Variants in THRB observed in about 807,000 individuals in gnomAD.
The protein encoded by THRB is nuclear receptor subfamily 1 group A member 2.
THRB carries 12 observed loss-of-function variants against 47.8 expected under a neutral mutation model. The ratio of observed to expected loss-of-function variants is 0.25; its 90% CI spans 0.16 to 0.41. THRB has a LOEUF of 0.41. THRB is among the 10% of genes least tolerant of loss of function. The probability of loss-of-function intolerance (pLI) is 1.00; values close to 1 mark genes in which losing one functional copy is unlikely to be tolerated. For missense variants in THRB, 348 were observed against 589.2 expected (o/e 0.59, Z 4.24); for synonymous variants, 218 against 212.2 (o/e 1.03, Z -0.24).
intron 1 of THRB, among the ~76,000 whole-genome samples, chr3:24,456,761 C>T (rs375812047): frequency 2.6e-5 from 4 of 151,762 alleles, no homozygotes; most frequent in Non-Finnish European, 4.4e-5. Flanking sequence ...TATACAATAT[C>T]TTATACACTG....
At chr3:24,377,088 C>T (rs550655506) in intron 1 of THRB, among the ~76,000 whole-genome samples, 1 of 152,200 alleles carries the variant, frequency 6.6e-6, no homozygotes, top group Non-Finnish European at 1.5e-5. Context: ...TAGGTGTACA[C>T]CACCACACTT....
chr3:24,278,392 A>C (rs560246929), intron 3 of THRB, among the ~76,000 whole-genome samples: 31 of 152,312 alleles, frequency 2.0e-4, no homozygotes, highest in Middle Eastern at 6.8e-3. Context: ...AAAATCAGGC[A>C]GATTTTATTC....
chr3:24,191,732 G>C (rs2043371068), intron 4 of THRB, among the ~76,000 whole-genome samples: 2 of 152,168 alleles, frequency 1.3e-5, no homozygotes, highest in South Asian at 4.1e-4. Flanking sequence ...TTACCCTTCC[G>C]GGTTTTCATA....
chr3:24,161,439 G>T lies in THRB; in HGVS notation c.284-8949C>A, dbSNP rs182744785. 8.4e-3 allele frequency among the ~76,000 whole-genome samples: 1,281 copies of T among 152,086 alleles called. 7 individuals are homozygous for T. The highest frequency in any genetic ancestry group is 0.01 in the Non-Finnish European group (711 of 67,998). On this transcript the variant is annotated intron_variant, in intron 5 of 10. Coordinates refer to ENST00000646209, the MANE Select transcript of THRB (RefSeq NM_001354712.2). ...GGGAAGAATAAGGATGGGAGAGAGA[G>T]GGAGAGAAAGAGAAGATAGAGGAAG... is the stretch of plus-strand genomic sequence containing the variant.
chr3:24,259,645 A>G (rs908469885), intron 3 of THRB, among the ~76,000 whole-genome samples: 15 of 58,486 alleles, frequency 2.6e-4, no homozygotes, highest in African/African-American at 8.0e-4. Flanking sequence ...TTTTTTTTTA[A>G]GGAAAAAAGC....
At chr3:24,381,077 T>C (rs1052441953) in intron 1 of THRB, among the ~76,000 whole-genome samples, 4 of 145,984 alleles carry the variant, frequency 2.7e-5, no homozygotes, top group Admixed American at 7.0e-5. Context: ...ATCACGTCAC[T>C]GCATTCCAGC....
rs776756808 is a variant in THRB, at chr3:24,146,745, G to C, written c.462C>G (p.Asp154Glu). 6.2e-7 allele frequency: 1 copy of C among 1,614,020 alleles called. No homozygotes were observed. The highest frequency in any genetic ancestry group is 2.2e-5 in the East Asian group (1 of 44,882). ...CCTGGCACTGATTTCGCGTGACTTTGTCTATGACACATTTTCCTTCATATT... is the reference window on the plus strand; with the variant it reads ...CCTGGCACTGATTTCGCGTGACTTTCTCTATGACACATTTTCCTTCATATT... ...SCKYEGKCVI[D>E]KVTRNQCQEC... Residue 154 changes from aspartate (D) to glutamate (E), a missense_variant, in exon 7 of 11, where the codon GAC becomes GAG. By Grantham distance (45) the Asp-to-Glu change is conservative (BLOSUM62 2). This residue lies in a region of THRB where 112 missense variants were observed against 212.3 expected (regional missense o/e 0.53). Coordinates refer to ENST00000646209, the MANE Select transcript of THRB (RefSeq NM_001354712.2).
At chr3:24,195,923 C>T (rs4858586) in intron 4 of THRB, among the ~76,000 whole-genome samples, 9,076 of 152,290 alleles carry the variant, frequency 0.06, 861 homozygotes, top group African/African-American at 0.21. Context: ...CTTCATCATA[C>T]TTGTCACCAA....
intron 1 of THRB, among the ~76,000 whole-genome samples, chr3:24,413,753 T>C (rs2068517087): frequency 6.6e-6 from 1 of 151,718 alleles, no homozygotes; most frequent in Non-Finnish European, 1.5e-5. Context: ...TGTGTGATGT[T>C]CCCCACCCTG....
intron 2 of THRB, among the ~76,000 whole-genome samples, chr3:24,303,042 A>G (rs2057066063): frequency 6.6e-6 from 1 of 152,178 alleles, no homozygotes; most frequent in Admixed American, 6.5e-5. Context: ...ATCATCAACA[A>G]AAAAGGTAAT....
chr3:24,163,804 G>A (rs900120696), intron 5 of THRB, among the ~76,000 whole-genome samples: 26 of 152,028 alleles, frequency 1.7e-4, no homozygotes, highest in Admixed American at 1.4e-3. Flanking sequence ...AATATTTCAT[G>A]ATTGGAAGTT....
intron 9 of THRB, among the ~76,000 whole-genome samples, chr3:24,130,337 G>A (rs1025584529): frequency 6.6e-5 from 10 of 152,152 alleles, no homozygotes; most frequent in Non-Finnish European, 8.8e-5. Context: ...ATGAAAGTGC[G>A]CAGTGTGTTT....
chr3:24,324,136 G>C (rs937808805), intron 2 of THRB, among the ~76,000 whole-genome samples: 2 of 152,088 alleles, frequency 1.3e-5, no homozygotes, highest in Non-Finnish European at 2.9e-5. Flanking sequence ...TCACAGGTAG[G>C]TCATTTCTAC....
intron 1 of THRB, among the ~76,000 whole-genome samples, chr3:24,487,658 C>T (rs879540068): frequency 2.6e-5 from 4 of 152,172 alleles, no homozygotes; most frequent in Non-Finnish European, 5.9e-5. Context: ...TAGCATTTCT[C>T]ACTGTGATTT....
chr3:24,410,858 T>C (rs939777336), intron 1 of THRB, among the ~76,000 whole-genome samples: 5 of 151,868 alleles, frequency 3.3e-5, no homozygotes, highest in Admixed American at 6.6e-5. Context: ...ATGATCTATG[T>C]TGGCTATAAA....
At chr3:24,292,753 T>A (rs2056058801) in intron 3 of THRB, among the ~76,000 whole-genome samples, 1 of 152,136 alleles carries the variant, frequency 6.6e-6, no homozygotes. Context: ...GTTAAGAAAA[T>A]CAATAACAAT....
chr3:24,329,339 C>T (rs1165853129), intron 2 of THRB, among the ~76,000 whole-genome samples: 2 of 152,232 alleles, frequency 1.3e-5, no homozygotes, highest in South Asian at 2.1e-4. Flanking sequence ...TCCTCCTATA[C>T]ATTTACTGTT....
At chr3:24,252,043 T>G (rs547746479) in intron 3 of THRB, among the ~76,000 whole-genome samples, 2 of 152,234 alleles carry the variant, frequency 1.3e-5, no homozygotes, top group South Asian at 4.1e-4. Context: ...ATAAGTCCAC[T>G]GAATAAAAAA....
chr3:24,310,777 A>T (rs542378641), intron 2 of THRB, among the ~76,000 whole-genome samples: 2 of 152,260 alleles, frequency 1.3e-5, no homozygotes, highest in African/African-American at 4.8e-5. Context: ...GAGGCCAGAG[A>T]TGCTGTTAAA....
Sources: gnomAD v4.1 joint callset for allele counts (sites outside exome capture counted in the v4.1 genomes callset) on GRCh38, gnomAD v4.1.1 for gene constraint, gnomAD v4.1.1 regional missense constraint, MANE v1.5 for transcripts, NCBI Gene and HGNC (gene_info 2026-07-23, HGNC 2026-07-21) for gene names.